Variants in LRRC75A observed in about 807,000 individuals in gnomAD.
The protein encoded by LRRC75A is leucine-rich repeat-containing protein 75A.
In LRRC75A, 12 loss-of-function variants were observed where a neutral mutation model predicts 26.0. The ratio of observed to expected loss-of-function variants is 0.46; its 90% CI spans 0.30 to 0.75. The LOEUF is 0.75. Ranked by LOEUF, LRRC75A falls within the 30% of genes least tolerant of loss-of-function variation. The pLI is 0.08. For missense variants in LRRC75A, 410 were observed against 486.6 expected, an observed-to-expected ratio of 0.84 and a Z score of 1.48; for synonymous variants, 223 against 219.3, an observed-to-expected ratio of 1.02 and a Z score of -0.15.
intron 1 of LRRC75A, among the ~76,000 whole-genome samples, chr17:16,486,425 C>G (rs1270073560): frequency 6.6e-6 from 1 of 152,202 alleles, no homozygotes; most frequent in South Asian, 2.1e-4. Context: ...AGCCAGTGTC[C>G]CTGGCAGCCT....
At chr17:16,445,878 A>G (rs929031551) in intron 3 of LRRC75A, among the ~76,000 whole-genome samples, 1 of 152,180 alleles carries the variant, frequency 6.6e-6, no homozygotes, top group African/African-American at 2.4e-5. Context: ...TAACCAGTCA[A>G]TTGACAACAG....
At chr17:16,452,653 C>T (rs1459911845) in intron 2 of LRRC75A, among the ~76,000 whole-genome samples, 1 of 152,068 alleles carries the variant, frequency 6.6e-6, no homozygotes, top group East Asian at 1.9e-4. Flanking sequence ...CCAGCCTGGT[C>T]TCGAACTCCT....
chr17:16,490,119 T>G (rs1601209697), intron 1 of LRRC75A, among the ~76,000 whole-genome samples: 1 of 152,154 alleles, frequency 6.6e-6, no homozygotes, highest in East Asian at 1.9e-4. Context: ...CCCGTGGGCC[T>G]CCAAGCGGCC....
rs1171460918 is a variant in LRRC75A at position 16,492,172 on chromosome 17, T to G, written c.-182A>C. ...TGTCGGCGCTCCCCGCGCTCCTCCCTCTTGGCTACCCGGGCGCGCTCCCCG... is the reference window on the plus strand; with the variant it reads ...TGTCGGCGCTCCCCGCGCTCCTCCCGCTTGGCTACCCGGGCGCGCTCCCCG... On this transcript the variant is annotated 5_prime_UTR_variant, in exon 1 of 4. Transcript: ENST00000470794. 6.1e-6 allele frequency: 2 copies of G among 327,108 alleles called. No individual in the cohort carries two copies. Among genetic ancestry groups the G allele is most frequent in the Middle Eastern group, 1.5e-3 (1 of 682 alleles). 20.3% of individuals were successfully genotyped at this position (327,108 alleles called of 1,614,324 possible).
At chr17:16,481,812 A>G (rs1256199934) in intron 1 of LRRC75A, among the ~76,000 whole-genome samples, 1 of 152,038 alleles carries the variant, frequency 6.6e-6, no homozygotes, top group Non-Finnish European at 1.5e-5. Context: ...GAAATCAGAA[A>G]CAGAGGTTTT....
At chr17:16,464,666 T>C (rs1386769399) in intron 1 of LRRC75A, among the ~76,000 whole-genome samples, 1 of 152,216 alleles carries the variant, frequency 6.6e-6, no homozygotes, top group African/African-American at 2.4e-5. Context: ...TCAAAAGCCA[T>C]GAGCTCTCTC....
intron 1 of LRRC75A, among the ~76,000 whole-genome samples, chr17:16,465,727 TTTCCGGAGCCCACTC>T (rs2093762873): frequency 6.6e-6 from 1 of 152,228 alleles, no homozygotes; most frequent in African/African-American, 2.4e-5. Flanking sequence ...CCAAATGTCC[TTTCCGGAGCCCACTC>T]CCCTGCCGTC....
chr17:16,453,318 ACGCACACACGCACACG>A (rs1165652906), intron 2 of LRRC75A, among the ~76,000 whole-genome samples: 12 of 78,870 alleles, frequency 1.5e-4, no homozygotes, highest in Non-Finnish European at 3.0e-4. Flanking sequence ...ACACGCACAC[ACGCACACACGCACACG>A]CACACACGCA....
At chr17:16,459,737 C>T (rs1356885720) in intron 2 of LRRC75A, among the ~76,000 whole-genome samples, 1 of 152,152 alleles carries the variant, frequency 6.6e-6, no homozygotes, top group Non-Finnish European at 1.5e-5. Context: ...ATGCAAATTG[C>T]TCTGACCAGG....
chr17:16,473,545 C>T (rs936325287), intron 1 of LRRC75A, among the ~76,000 whole-genome samples: 2 of 152,216 alleles, frequency 1.3e-5, no homozygotes, highest in Non-Finnish European at 2.9e-5. Flanking sequence ...TGTCCATTAG[C>T]ACCCAGCTGA....
chr17:16,443,506 C>G lies in LRRC75A; in HGVS notation c.*82G>C. ...ATTTTTGGCAATATCCTTAACCCAC[C>G]TGATAGGAGAAGCGCCCTCCCCTGC... On this transcript the variant is annotated 3_prime_UTR_variant, in exon 4 of 4. Transcript: ENST00000470794. 7.5e-7 allele frequency: 1 copy of G among 1,329,524 alleles called. No homozygotes were observed. Among genetic ancestry groups the G allele is most frequent in the Non-Finnish European group, 1.0e-6 (1 of 1,000,812 alleles). The allele number at this position is 1,329,524 out of a possible 1,614,324, so 82.4% of individuals were successfully genotyped here. A position where few individuals can be genotyped will look rare whatever the true frequency, so the allele number is the denominator to read the frequency against.
chr17:16,444,403 T>G (rs2093562980), intron 3 of LRRC75A, among the ~76,000 whole-genome samples: 1 of 152,170 alleles, frequency 6.6e-6, no homozygotes, highest in African/African-American at 2.4e-5. Context: ...AGAGTACCAT[T>G]GGGCTGATAT....
At chr17:16,457,875 G>A (rs143727024) in intron 2 of LRRC75A, among the ~76,000 whole-genome samples, 3 of 152,020 alleles carry the variant, frequency 2.0e-5, no homozygotes, top group Non-Finnish European at 4.4e-5. Context: ...TTGGGAAGGT[G>A]AGGTGGGAGG....
In LRRC75A at chr17:16,462,496, G is replaced by A; in HGVS notation, c.247-110C>T. The A allele has an allele frequency of 7.0e-7, 1 of 1,433,402 alleles. No individual in the cohort carries two copies. The highest frequency in any genetic ancestry group is 9.4e-7 in the Non-Finnish European group (1 of 1,062,676). 88.8% of individuals were successfully genotyped at this position (1,433,402 alleles called of 1,614,324 possible). The stretch of plus-strand genomic sequence containing the variant: ...CCTAGAGGCGACTCTGCCTCCCAGA[G>A]CCCCGGTGGGGAGCATCTGCAGAAC... On this transcript the variant is annotated intron_variant, in intron 1 of 3. Transcript: ENST00000470794. The surrounding 1 kb of genome is among the most constrained non-coding windows in gnomAD (Gnocchi z 4.6).
chr17:16,467,619 C>G lies in LRRC75A; in HGVS notation c.247-5233G>C, dbSNP rs374896549. Among the ~76,000 whole-genome samples the G allele has an allele frequency of 6.8e-4, 103 of 152,352 alleles. 1 individual carries two copies. The South Asian group carries it at 0.021, about 30-fold the overall frequency. ...GACAACCTGGCTCAACAGAAACTCC[C>G]TGCAAAATATCGCAGACTTGGCTAC... On this transcript the variant is annotated intron_variant, in intron 1 of 3. Transcript: ENST00000470794.
chr17:16,461,605 T>C (rs1316075017), intron 2 of LRRC75A, among the ~76,000 whole-genome samples: 1 of 152,018 alleles, frequency 6.6e-6, no homozygotes, highest in Non-Finnish European at 1.5e-5. Flanking sequence ...CCAGGGCCAG[T>C]AGGAAGAAGA....
At chr17:16,467,326 T>A (rs879626271) in intron 1 of LRRC75A, among the ~76,000 whole-genome samples, 4 of 151,866 alleles carry the variant, frequency 2.6e-5, no homozygotes, top group African/African-American at 7.3e-5. Flanking sequence ...GCTGCTGTTA[T>A]TTTTTTTAGA....
chr17:16,487,948 A>G (rs1229051437), intron 1 of LRRC75A, among the ~76,000 whole-genome samples: 1 of 152,224 alleles, frequency 6.6e-6, no homozygotes, highest in Non-Finnish European at 1.5e-5. Flanking sequence ...CTCATGGGAA[A>G]GCTGGGGTGC....
chr17:16,444,512 C>G (rs1029132207), intron 3 of LRRC75A, among the ~76,000 whole-genome samples: 1 of 152,194 alleles, frequency 6.6e-6, no homozygotes, highest in African/African-American at 2.4e-5. Flanking sequence ...CAGCTTCCCA[C>G]TTCTACCACC....
Sources: allele counts gnomAD v4.1 joint callset (sites outside exome capture counted in the v4.1 genomes callset), GRCh38; gene constraint gnomAD v4.1.1; non-coding constraint Gnocchi (gnomAD v3.1); transcripts MANE v1.5; gene names NCBI Gene and HGNC (gene_info 2026-07-23, HGNC 2026-07-21).